Variants in CYRIB observed in about 807,000 individuals in gnomAD.
CYRIB encodes the protein CYFIP related Rac1 interactor B.
Under a neutral mutation model 44.2 loss-of-function variants are expected in CYRIB, and 8 were observed. The ratio of observed to expected loss-of-function variants is 0.18; its 90% CI spans 0.11 to 0.33. The LOEUF (loss-of-function observed/expected upper bound fraction) is 0.33. CYRIB is among the 10% of genes least tolerant of loss of function. The pLI, the probability that CYRIB is intolerant of heterozygous loss-of-function variation, is 1.00. For missense variants in CYRIB, 185 were observed against 382.8 expected (o/e 0.48, Z 4.31); for synonymous variants, 131 against 127.2 (o/e 1.03, Z -0.20).
chr8:129,883,288 G>A (rs1331334645), intron 2 of CYRIB, among the ~76,000 whole-genome samples: 4 of 151,764 alleles, frequency 2.6e-5, no homozygotes, highest in Non-Finnish European at 4.4e-5. Flanking sequence ...GATACTAGCA[G>A]CTACCCCCCA....
At chr8:129,903,582 C>T (rs1589234051) in intron 1 of CYRIB, among the ~76,000 whole-genome samples, 1 of 152,154 alleles carries the variant, frequency 6.6e-6, no homozygotes, top group Non-Finnish European at 1.5e-5. Flanking sequence ...GGTAAGACAA[C>T]CCAGTTGTCA....
At chr8:129,891,840 A>C (rs1300442357) in intron 2 of CYRIB, among the ~76,000 whole-genome samples, 1 of 152,188 alleles carries the variant, frequency 6.6e-6, no homozygotes, top group Non-Finnish European at 1.5e-5. Flanking sequence ...GGATACACTT[A>C]GACTTCATAT....
chr8:129,944,914 C>T (rs2094029768), intron 2 of CYRIB, among the ~76,000 whole-genome samples: 3 of 152,194 alleles, frequency 2.0e-5, no homozygotes, highest in Admixed American at 1.3e-4. Flanking sequence ...TTAATGACTA[C>T]AGAGTATTTC....
At chr8:130,008,985 C>G (rs1301037423) in intron 1 of CYRIB, among the ~76,000 whole-genome samples, 1 of 152,174 alleles carries the variant, frequency 6.6e-6, no homozygotes, top group Non-Finnish European at 1.5e-5. Flanking sequence ...ACCAGGGACT[C>G]AAATTACTGA....
intron 1 of CYRIB, among the ~76,000 whole-genome samples, chr8:129,921,816 T>C (rs1340562729): frequency 2.0e-5 from 3 of 152,146 alleles, no homozygotes; most frequent in Non-Finnish European, 2.9e-5. Flanking sequence ...ATATTTTCTA[T>C]CAGACAGCTT....
At chr8:130,009,340 T>G (rs1206663440) in intron 1 of CYRIB, among the ~76,000 whole-genome samples, 1 of 151,762 alleles carries the variant, frequency 6.6e-6, no homozygotes, top group African/African-American at 2.4e-5. Context: ...CAATTTTGGC[T>G]CATTGCAACC....
chr8:129,884,340 G>T (rs2061904551), intron 2 of CYRIB, among the ~76,000 whole-genome samples: 2 of 152,136 alleles, frequency 1.3e-5, no homozygotes, highest in Admixed American at 1.3e-4. Flanking sequence ...CCAGACTGGA[G>T]TGCAATGGTA....
upstream of CYRIB, among the ~76,000 whole-genome samples, chr8:129,943,856 C>G (rs1387501794): frequency 6.7e-6 from 1 of 149,076 alleles, no homozygotes; most frequent in Non-Finnish European, 1.5e-5. Context: ...GCCTCGGCCT[C>G]CCAAAGTGCT....
intron 10 of CYRIB, among the ~76,000 whole-genome samples, chr8:129,848,777 GC>G (rs565350901): frequency 5.4e-5 from 8 of 148,524 alleles, no homozygotes; most frequent in African/African-American, 2.0e-4. Flanking sequence ...TCACTATGCT[GC>G]CCAGGCTGGT....
At chr8:129,927,771 C>T (rs2088775666) in intron 1 of CYRIB, among the ~76,000 whole-genome samples, 1 of 152,050 alleles carries the variant, frequency 6.6e-6, no homozygotes, top group Non-Finnish European at 1.5e-5. Context: ...ATGAAAGCTA[C>T]AGTAATCAAG....
At chr8:129,914,449 A>G (rs2079679032) in intron 1 of CYRIB, among the ~76,000 whole-genome samples, 1 of 152,184 alleles carries the variant, frequency 6.6e-6, no homozygotes, top group African/African-American at 2.4e-5. Flanking sequence ...ACTTTTACAT[A>G]TACTTCTTGA....
chr8:129,928,395 T>C (rs1350093711), intron 1 of CYRIB, among the ~76,000 whole-genome samples: 1 of 149,656 alleles, frequency 6.7e-6, no homozygotes, highest in Non-Finnish European at 1.5e-5. Context: ...GCACATAATG[T>C]ATCTGACAAA....
chr8:129,998,276 G>A (rs892500459), intron 1 of CYRIB, among the ~76,000 whole-genome samples: 18 of 152,050 alleles, frequency 1.2e-4, no homozygotes, highest in African/African-American at 2.9e-4. Context: ...CACACACTAC[G>A]TCCTTCCAAG....
chr8:129,952,545 A>G (rs1223856304), intron 2 of CYRIB, among the ~76,000 whole-genome samples: 1 of 152,216 alleles, frequency 6.6e-6, no homozygotes, highest in Non-Finnish European at 1.5e-5. Flanking sequence ...TGAATGTGGA[A>G]GTGAAATAAT....
intron 2 of CYRIB, among the ~76,000 whole-genome samples, chr8:129,894,860 C>T (rs2135221158): frequency 6.6e-6 from 1 of 151,514 alleles, no homozygotes; most frequent in Admixed American, 6.6e-5. Context: ...GGTAAGTTTT[C>T]CTAACTTAAC....
chr8:129,867,540 T>C (rs2054431219), intron 4 of CYRIB, among the ~76,000 whole-genome samples: 1 of 151,984 alleles, frequency 6.6e-6, no homozygotes, highest in African/African-American at 2.4e-5. Context: ...GCATTGTTTA[T>C]TTAATAGATT....
chr8:129,891,500 G>A (rs770751667), intron 2 of CYRIB, among the ~76,000 whole-genome samples: 1 of 152,176 alleles, frequency 6.6e-6, no homozygotes, highest in Non-Finnish European at 1.5e-5. Context: ...AGAGAGATTA[G>A]TACAACAGGA....
chr8:129,953,590 T>C (rs1214619843), intron 2 of CYRIB, among the ~76,000 whole-genome samples: 1 of 152,172 alleles, frequency 6.6e-6, no homozygotes, highest in African/African-American at 2.4e-5. Flanking sequence ...TCCAGGACGG[T>C]AGCGGCCACA....
chr8:130,013,369 C>T (rs1476428345), intron 1 of CYRIB, among the ~76,000 whole-genome samples: 2 of 152,194 alleles, frequency 1.3e-5, no homozygotes, highest in East Asian at 1.9e-4. Flanking sequence ...GGATCTTACT[C>T]TCTTACTCAG....
Sources: allele counts gnomAD v4.1 joint callset (sites outside exome capture counted in the v4.1 genomes callset), GRCh38; gene constraint gnomAD v4.1.1; transcripts MANE v1.5; gene names NCBI Gene and HGNC (gene_info 2026-07-23, HGNC 2026-07-21).